Variants in CD6 observed in about 807,000 individuals in gnomAD.
CD6 encodes T-cell differentiation antigen CD6.
A neutral mutation model predicts 75.3 loss-of-function variants in CD6; 53 were observed. The ratio of observed to expected loss-of-function variants is 0.70; its 90% confidence interval spans 0.56 to 0.88. CD6 has a LOEUF of 0.88. CD6 is among the 40% of genes least tolerant of loss of function. The pLI is 0.00. For missense variants in CD6, 770 were observed against 897.1 expected (o/e 0.86, Z 1.81); for synonymous variants, 359 against 381.5 (o/e 0.94, Z 0.69).
In CD6 at chr11:61,007,652, G is replaced by C. The variant is rs1167627758; in HGVS notation, c.211G>C (p.Gly71Arg). ...RLEASWEPACGALWDSRAAEA... is the reference protein window; with the variant it reads ...RLEASWEPACRALWDSRAAEA... ...CGAGGCGTCCTGGGAGCCCGCGTGC[G>C]GGGCGCTCTGGGACAGCCGCGCCGC... Residue 71 changes from glycine (G) to arginine (R), a missense_variant, in exon 3 of 13, where the codon GGG becomes CGG. Coordinates refer to ENST00000313421, the MANE Select transcript of CD6 (RefSeq NM_006725.5). This position sits in a 1 kb window ranked among gnomAD's most constrained non-coding sequence, Gnocchi z 4.2. 1 of 1,460,352 alleles carries C rather than the reference G, an allele frequency of 6.8e-7. No homozygotes were observed. The highest frequency in any genetic ancestry group is 1.4e-5 in the South Asian group (1 of 72,692). 90.5% of individuals were successfully genotyped at this position (1,460,352 alleles called of 1,614,324 possible). A position where few individuals can be genotyped will look rare whatever the true frequency, so the allele number is the denominator to read the frequency against.
At chr11:60,973,047 C>T (rs982306447) in intron 1 of CD6, among the ~76,000 whole-genome samples, 2 of 152,224 alleles carry the variant, frequency 1.3e-5, no homozygotes, top group African/African-American at 4.8e-5. Flanking sequence ...TGCCCCTGAG[C>T]TGAAACAGAC....
chr11:61,015,262 G>A (rs914287211), intron 8 of CD6, among the ~76,000 whole-genome samples: 1 of 152,186 alleles, frequency 6.6e-6, no homozygotes. Context: ...CTTCAGACTG[G>A]GTGGCTTGTA....
rs967585036 is a variant in CD6 at position 60,971,689 on chromosome 11, T to C, written c.-177T>C. On this transcript the variant is annotated 5_prime_UTR_variant, in exon 1 of 13. Transcript: ENST00000313421. ...CAAGCAGGCGTGAGACACTCACAGG[T>C]TGGGTTTGATCGCATGCGTGTCGGA... is the stretch of plus-strand genomic sequence containing the variant. 2.9e-5 allele frequency: 18 copies of C among 615,452 alleles called. No individual in the cohort carries two copies. The highest frequency in any genetic ancestry group is 1.2e-5 in the Non-Finnish European group (4 of 345,324). 38.1% of individuals were successfully genotyped at this position (615,452 alleles called of 1,614,324 possible). A position where few individuals can be genotyped will look rare whatever the true frequency, so the allele number is the denominator to read the frequency against.
At chr11:60,982,520 G>A (rs1857610301) in intron 1 of CD6, 1 of 451,858 alleles carries the variant, frequency 2.2e-6, no homozygotes, top group South Asian at 1.6e-5. Context: ...GGCGGGCGCG[G>A]GGAGACAGAG....
chr11:60,989,324 A>G (rs1390158460), intron 1 of CD6: 1 of 152,276 alleles, frequency 6.6e-6, no homozygotes, highest in African/African-American at 2.4e-5. Flanking sequence ...AGCACTCGGC[A>G]CAGAGGAAGT....
At position 61,015,193 on chromosome 11, in the gene CD6, C is replaced by A. The variant is rs144309127; in HGVS notation, c.1388-520C>A. Among the ~76,000 whole-genome samples, 302 of 152,270 alleles carry A rather than the reference C, an allele frequency of 2.0e-3. 1 individual carries two copies. The highest frequency in any genetic ancestry group is 3.7e-3 in the Non-Finnish European group (249 of 68,022). Reference sequence around the variant, plus strand: ...CACATATAGTAAGTGCTGTGTTAAGCGTTTGCTAAATAAATGTTTAGTTCT... The same window carrying A: ...CACATATAGTAAGTGCTGTGTTAAGAGTTTGCTAAATAAATGTTTAGTTCT... On this transcript the variant is annotated intron_variant, in intron 8 of 12. Coordinates refer to ENST00000313421, the MANE Select transcript of CD6 (RefSeq NM_006725.5).
chr11:61,014,883 A>G (rs929934383), intron 8 of CD6, among the ~76,000 whole-genome samples: 1 of 152,214 alleles, frequency 6.6e-6, no homozygotes, highest in Non-Finnish European at 1.5e-5. Flanking sequence ...ATAAAAACCA[A>G]TACAAAACTC....
chr11:61,016,416 T>C (rs1276637584), intron 9 of CD6, among the ~76,000 whole-genome samples: 1 of 152,206 alleles, frequency 6.6e-6, no homozygotes, highest in Non-Finnish European at 1.5e-5. Flanking sequence ...CTTGGGAGCT[T>C]GTCAAAAATT....
intron 1 of CD6, among the ~76,000 whole-genome samples, chr11:61,003,514 C>T (rs1316693714): frequency 1.3e-5 from 2 of 152,174 alleles, no homozygotes; most frequent in African/African-American, 4.8e-5. Flanking sequence ...GGGCAGATCA[C>T]TTGAGCTCAG....
chr11:60,983,050 A>G (rs1396629751), intron 1 of CD6, among the ~76,000 whole-genome samples: 2 of 150,726 alleles, frequency 1.3e-5, no homozygotes, highest in Non-Finnish European at 3.0e-5. Context: ...AGCCCCTCCA[A>G]CGGCTCCTCC....
chr11:61,007,853 G>A lies in CD6; in HGVS notation c.412G>A (p.Glu138Lys). The A allele has an allele frequency of 7.1e-7, 1 of 1,402,304 alleles. No homozygotes were observed. Among genetic ancestry groups the A allele is most frequent in the Non-Finnish European group, 9.2e-7 (1 of 1,084,318 alleles). The allele number at this position is 1,402,304 out of a possible 1,614,324, so 86.9% of individuals were successfully genotyped here. A position where few individuals can be genotyped will look rare whatever the true frequency, so the allele number is the denominator to read the frequency against. The stretch of plus-strand genomic sequence containing the variant: ...CAGCGGCGCCGAGTGGCGGCTCTGC[G>A]AGGTGGTGGAGCACGCGTGCCGCAG... Reference protein sequence around the residue: ...LCSGAEWRLCEVVEHACRSDG... With the variant: ...LCSGAEWRLCKVVEHACRSDG... The change falls in exon 3 of 13, where the codon GAG becomes AAG. Residue 138 changes from glutamate (E) to lysine (K), a missense_variant. Glu to Lys is a moderately conservative substitution (Grantham distance 56, BLOSUM62 1). Transcript: ENST00000313421. This position sits in a 1 kb window ranked among gnomAD's most constrained non-coding sequence, Gnocchi z 4.2.
intron 6 of CD6, 24 bp from the exon 7 acceptor site, chr11:61,013,399 C>T (rs1053620649): frequency 1.2e-5 from 20 of 1,612,656 alleles, no homozygotes; most frequent in Admixed American, 6.7e-5. Context: ...CTCTTTCTTC[C>T]TGAATTGGAA....
chr11:60,987,204 C>T (rs1857856108), intron 1 of CD6, among the ~76,000 whole-genome samples: 1 of 152,208 alleles, frequency 6.6e-6, no homozygotes, highest in Non-Finnish European at 1.5e-5. Flanking sequence ...GGACTGGTTC[C>T]TTCTGAGAAG....
intron 4 of CD6, among the ~76,000 whole-genome samples, chr11:61,009,291 A>G (rs1037262803): frequency 1.3e-5 from 2 of 152,136 alleles, no homozygotes; most frequent in Non-Finnish European, 2.9e-5. Context: ...GTTAAAATGT[A>G]GATTCTGATT....
intron 3 of CD6, among the ~76,000 whole-genome samples, chr11:61,008,180 A>G (rs924176273): frequency 1.3e-5 from 2 of 151,950 alleles, no homozygotes; most frequent in Admixed American, 6.6e-5. Context: ...CCCGGTCTCT[A>G]ACCCCACTTA....
chr11:61,006,515 CTCTGTGG>C (rs1858866169), intron 1 of CD6, 52 bp from the exon 2 acceptor site: 9 of 1,404,186 alleles, frequency 6.4e-6, no homozygotes, highest in Non-Finnish European at 8.8e-6. Context: ...ATCAGGGTGT[CTCTGTGG>C]TCTCCAGGCC....
Position 61,008,777 on chromosome 11 carries a change from G to A in CD6, c.713G>A (p.Trp238Ter), listed in dbSNP as rs1245981706. 6.3e-7 allele frequency: 1 copy of A among 1,597,716 alleles called. No individual in the cohort carries two copies. The highest frequency in any genetic ancestry group is 1.3e-5 in the African/African-American group (1 of 74,636). Residue 238 changes from tryptophan (W) to a stop codon, truncating the protein, a stop_gained, in exon 4 of 13, where the codon TGG (tryptophan) becomes TAG (stop). Coordinates refer to ENST00000313421, the MANE Select transcript of CD6 (RefSeq NM_006725.5). LOFTEE classifies it high-confidence loss of function. ...TGCTCGGGGGCCGAAGCTTACCTGTGGGACTGCCCGGGGCTGCCAGGACAG... is the reference window on the plus strand; with the variant it reads ...TGCTCGGGGGCCGAAGCTTACCTGTAGGACTGCCCGGGGCTGCCAGGACAG... ...VNCSGAEAYL[W>*]DCPGLPGQHY... is the part of the protein sequence containing the mutation.
intron 1 of CD6, chr11:60,989,297 G>A (rs958053664): frequency 2.0e-5 from 3 of 152,206 alleles, no homozygotes; most frequent in Non-Finnish European, 4.4e-5. Flanking sequence ...CGTCTGTAAA[G>A]CACTCAGCAC....
intron 1 of CD6, 146 bp downstream of exon 1, chr11:60,972,060 T>C: frequency 1.2e-6 from 1 of 835,150 alleles, no homozygotes; most frequent in South Asian, 1.5e-5. Flanking sequence ...AGGTCCAGCA[T>C]CTGGGGCTAG....
Sources: gnomAD v4.1 joint callset for allele counts (sites outside exome capture counted in the v4.1 genomes callset) on GRCh38, gnomAD v4.1.1 for gene constraint, Gnocchi (gnomAD v3.1) non-coding constraint, MANE v1.5 for transcripts, NCBI Gene and HGNC (gene_info 2026-07-23, HGNC 2026-07-21) for gene names.